SLC24A2: variants seen among roughly 807,000 people sequenced by gnomAD.
SLC24A2 encodes sodium/potassium/calcium exchanger 2.
In SLC24A2, 36 loss-of-function variants were observed where a neutral mutation model predicts 62.0. That is an observed-to-expected ratio of 0.58 (90% confidence interval 0.44 to 0.77). The LOEUF is 0.77. SLC24A2 is among the 30% of genes least tolerant of loss of function. The pLI, the probability that SLC24A2 is intolerant of heterozygous loss-of-function variation, is 0.00. For synonymous variants in SLC24A2, 358 were observed against 294.0 expected (o/e 1.22, Z -2.23); for missense variants, 846 against 817.9 (o/e 1.03, Z -0.42).
chr9:19,778,230 TTTTA>T (rs764171028), intron 2 of SLC24A2, among the ~76,000 whole-genome samples: 5 of 152,192 alleles, frequency 3.3e-5, no homozygotes, highest in Admixed American at 6.5e-5. Flanking sequence ...TATCTAACTA[TTTTA>T]TTTAGTGAGG....
intron 7 of SLC24A2, among the ~76,000 whole-genome samples, chr9:19,571,051 G>A (rs1016242173): frequency 1.4e-4 from 22 of 152,162 alleles, no homozygotes; most frequent in African/African-American, 5.3e-4. Flanking sequence ...CCCTTGCAGG[G>A]GCACAGATGT....
At position 19,508,308 on chromosome 9, in the gene SLC24A2, C is replaced by G. The variant is rs1832584540; in HGVS notation, c.*7845G>C. ...AGAAACTCTTCAGACCACAAAACAG[C>G]CTCTAACAGAGGAATATCACTGGCC... On this transcript the variant is annotated 3_prime_UTR_variant, in exon 11 of 11. Coordinates refer to ENST00000341998, the MANE Select transcript of SLC24A2 (RefSeq NM_020344.4). 1 of 152,140 alleles carries G rather than the reference C, an allele frequency of 6.6e-6. No individual in the cohort carries two copies. Among genetic ancestry groups the G allele is most frequent in the Admixed American group, 6.6e-5 (1 of 15,266 alleles). 9.4% of individuals were successfully genotyped at this position (152,140 alleles called of 1,614,324 possible).
chr9:20,178,993 C>T, the SLC24A2 span, among the ~76,000 whole-genome samples: 2 of 152,264 alleles, frequency 1.3e-5, no homozygotes, highest in East Asian at 1.9e-4. Context: ...ACTTCAATCA[C>T]TTGGGGAATC....
At chr9:19,864,671 A>G in the SLC24A2 span, among the ~76,000 whole-genome samples, 1 of 152,096 alleles carries the variant, frequency 6.6e-6, no homozygotes, top group Non-Finnish European at 1.5e-5. Context: ...AAAACTGGGT[A>G]TAGAAGGAAC....
chr9:19,510,591 T>C lies in SLC24A2; in HGVS notation c.*5562A>G, dbSNP rs992976202. The C allele has an allele frequency of 3.3e-5, 5 of 152,178 alleles. No homozygotes were observed. Among genetic ancestry groups the C allele is most frequent in the African/African-American group, 7.2e-5 (3 of 41,448 alleles). 9.4% of individuals were successfully genotyped at this position (152,178 alleles called of 1,614,324 possible). A position where few individuals can be genotyped will look rare whatever the true frequency, so the allele number is the denominator to read the frequency against. On this transcript the variant is annotated 3_prime_UTR_variant, in exon 11 of 11. Coordinates refer to ENST00000341998, the MANE Select transcript of SLC24A2 (RefSeq NM_020344.4). ...ATCTCCCCCGTAAGAGGACTGTCCT[T>C]TGGATTAGCGTGATAGGCTAGACAA...
chr9:20,249,704 C>CAAAAAAA, the SLC24A2 span, among the ~76,000 whole-genome samples: 4 of 76,544 alleles, frequency 5.2e-5, no homozygotes, highest in African/African-American at 1.8e-4. Flanking sequence ...AACTCTGTCT[C>CAAAAAAA]AAAAAAAAAA....
At chr9:19,616,693 G>C (rs1817775676) in intron 4 of SLC24A2, among the ~76,000 whole-genome samples, 1 of 152,136 alleles carries the variant, frequency 6.6e-6, no homozygotes, top group East Asian at 1.9e-4. Flanking sequence ...GAATAAAATA[G>C]AGTCCCTGGT....
the SLC24A2 span, among the ~76,000 whole-genome samples, chr9:19,932,654 C>A: frequency 1.3e-5 from 2 of 152,200 alleles, no homozygotes; most frequent in African/African-American, 4.8e-5. Flanking sequence ...GAACTTCTGA[C>A]TTCTAGTCTG....
chr9:19,829,950 A>G, the SLC24A2 span, among the ~76,000 whole-genome samples: 1 of 151,582 alleles, frequency 6.6e-6, no homozygotes, highest in East Asian at 1.9e-4. Context: ...CTCCAGTTTC[A>G]ATCTTTCTTT....
At chr9:20,099,236 T>C in the SLC24A2 span, among the ~76,000 whole-genome samples, 4 of 152,226 alleles carry the variant, frequency 2.6e-5, no homozygotes, top group African/African-American at 4.8e-5. Context: ...CATGTTAATA[T>C]AGTTCTATCC....
intron 7 of SLC24A2, among the ~76,000 whole-genome samples, chr9:19,572,029 G>A (rs1207772071): frequency 6.6e-6 from 1 of 151,982 alleles, no homozygotes; most frequent in Non-Finnish European, 1.5e-5. Flanking sequence ...CAGCACTTTG[G>A]GAGGCCAAGG....
the SLC24A2 span, among the ~76,000 whole-genome samples, chr9:19,907,257 C>T: frequency 2.0e-5 from 3 of 152,184 alleles, no homozygotes; most frequent in South Asian, 2.1e-4. Flanking sequence ...GTAGAAAAGG[C>T]CTTTGACAAA....
At position 19,709,866 on chromosome 9, in the gene SLC24A2, A is replaced by G. The variant is rs563283619; in HGVS notation, c.930+76071T>C. ...GTATACATATGTAACTAACCTGCACATTGTGCACATGTACCCTAAAGCTTA... is the reference window on the plus strand; with the variant it reads ...GTATACATATGTAACTAACCTGCACGTTGTGCACATGTACCCTAAAGCTTA... On this transcript the variant is annotated intron_variant, in intron 2 of 10. Coordinates refer to ENST00000341998, the MANE Select transcript of SLC24A2 (RefSeq NM_020344.4). Among the ~76,000 whole-genome samples the G allele has an allele frequency of 8.5e-5, 13 of 152,114 alleles. No individual in the cohort carries two copies. In the East Asian group the frequency reaches 2.1e-3, roughly 25 times the overall value.
chr9:19,701,425 T>C (rs528441891), intron 2 of SLC24A2, among the ~76,000 whole-genome samples: 3 of 152,120 alleles, frequency 2.0e-5, no homozygotes, highest in Non-Finnish European at 4.4e-5. Flanking sequence ...CCGGTAGGAG[T>C]TGATACATAA....
chr9:19,588,876 G>A (rs752219412), intron 5 of SLC24A2, among the ~76,000 whole-genome samples: 3 of 152,140 alleles, frequency 2.0e-5, no homozygotes, highest in African/African-American at 7.2e-5. Context: ...CAGGAGAATC[G>A]CTGGAACCTG....
At chr9:20,098,623 G>A in the SLC24A2 span, among the ~76,000 whole-genome samples, 1 of 152,124 alleles carries the variant, frequency 6.6e-6, no homozygotes, top group Admixed American at 6.5e-5. Flanking sequence ...ATACTAACTG[G>A]CCACTTCCCC....
At chr9:19,517,102 C>G (rs913033989) in intron 10 of SLC24A2, among the ~76,000 whole-genome samples, 1 of 152,150 alleles carries the variant, frequency 6.6e-6, no homozygotes, top group Non-Finnish European at 1.5e-5. Context: ...CTTTTAAAAT[C>G]TGAGGATCTC....
At chr9:19,529,973 A>T (rs1271960919) in intron 8 of SLC24A2, among the ~76,000 whole-genome samples, 2 of 151,826 alleles carry the variant, frequency 1.3e-5, no homozygotes, top group Non-Finnish European at 2.9e-5. Flanking sequence ...GGCTGGTTTC[A>T]AAATCCTGAC....
At chr9:20,145,172 G>A in the SLC24A2 span, among the ~76,000 whole-genome samples, 1 of 152,264 alleles carries the variant, frequency 6.6e-6, no homozygotes, top group African/African-American at 2.4e-5. Flanking sequence ...GAGGCAGTCA[G>A]GGAGCTGCAG....
Sources: allele counts gnomAD v4.1 joint callset (sites outside exome capture counted in the v4.1 genomes callset), GRCh38; gene constraint gnomAD v4.1.1; transcripts MANE v1.5; gene names NCBI Gene and HGNC (gene_info 2026-07-23, HGNC 2026-07-21).